Variants in NEK1 observed in about 807,000 individuals in gnomAD.
NEK1 encodes the protein serine/threonine-protein kinase Nek1.
In NEK1, 137 loss-of-function variants were observed where a neutral mutation model predicts 182.1. The ratio of observed to expected loss-of-function variants is 0.75; its 90% confidence interval spans 0.65 to 0.87. The LOEUF (loss-of-function observed/expected upper bound fraction) is 0.87, where lower values mean the gene tolerates loss of function less well. Ranked by LOEUF, NEK1 falls within the 40% of genes least tolerant of loss-of-function variation. NEK1 has a pLI of 0.00. For missense variants in NEK1, 1,391 were observed against 1,494.4 expected (o/e 0.93, Z 1.14); for synonymous variants, 513 against 492.2 (o/e 1.04, Z -0.56).
chr4:169,406,771 CTTA>C (rs1180156423), intron 31 of NEK1, 24 bp from the exon 32 acceptor site: 63 of 1,540,834 alleles, frequency 4.1e-5, no homozygotes, highest in Non-Finnish European at 5.5e-5. Context: ...CAACAAATTT[CTTA>C]TTAGGAGAAA....
At chr4:169,525,659 T>G (rs1756787849) in intron 19 of NEK1, among the ~76,000 whole-genome samples, 1 of 152,112 alleles carries the variant, frequency 6.6e-6, no homozygotes, top group African/African-American at 2.4e-5. Flanking sequence ...ACTACTATGG[T>G]AAGAGTTGAA....
At chr4:169,563,362 A>T (rs547090241) in intron 12 of NEK1, among the ~76,000 whole-genome samples, 46 of 151,406 alleles carry the variant, frequency 3.0e-4, no homozygotes, top group African/African-American at 6.6e-4. Flanking sequence ...GTCTCAAAAA[A>T]AAAAATAAAA....
intron 19 of NEK1, among the ~76,000 whole-genome samples, chr4:169,519,074 T>A (rs1755623781): frequency 2.1e-5 from 1 of 48,268 alleles, no homozygotes; most frequent in Non-Finnish European, 3.3e-5. Context: ...TGACTTTCTG[T>A]CTCGTTGATC....
rs142491511 is a variant in NEK1, at chr4:169,536,715, A to C, written c.1665+1094T>G. Among the ~76,000 whole-genome samples the C allele has an allele frequency of 8.6e-4, 131 of 152,330 alleles. 1 individual carries two copies. Among genetic ancestry groups the C allele is most frequent in the African/African-American group, 3.1e-3 (129 of 41,590 alleles). ...TAAGACATAAGGAATGATGTTGAGA[A>C]AATAAATTAGTAAATTTCAGTAAGC... On this transcript the variant is annotated intron_variant, in intron 19 of 35. Transcript: ENST00000507142.
chr4:169,414,411 T>C (rs909588060), intron 31 of NEK1, among the ~76,000 whole-genome samples: 6 of 152,176 alleles, frequency 3.9e-5, no homozygotes, highest in African/African-American at 1.4e-4. Flanking sequence ...TGTTATCCAA[T>C]AACCCTATAT....
intron 26 of NEK1, among the ~76,000 whole-genome samples, chr4:169,466,524 A>G (rs542678243): frequency 1.5e-4 from 23 of 152,112 alleles, no homozygotes; most frequent in Non-Finnish European, 2.8e-4. Flanking sequence ...AAAGTACTAA[A>G]AGAAAAAAAT....
At position 169,585,451 on chromosome 4, in the gene NEK1, C is replaced by T. The variant is rs374575096; in HGVS notation, c.705G>A (p.Val235=). 8 of 1,613,200 alleles carry T rather than the reference C, an allele frequency of 5.0e-6. No homozygotes were observed. The African/African-American group carries it at 9.3e-5, about 19-fold the overall frequency. ...LHYSYDLRSL[V]SQLFKRNPRD... ...TAGGATTTCTTTTAAATAACTGAGA[C>T]ACCAAACTGCGGAGATCATAGGAAT... is the stretch of plus-strand genomic sequence containing the variant. Residue 235 remains valine, a synonymous_variant, in exon 10 of 36, where the codon GTG becomes GTA. Coordinates refer to ENST00000507142, the MANE Select transcript of NEK1 (RefSeq NM_001199397.3).
chr4:169,400,282 G>C lies in NEK1; in HGVS notation c.3790C>G (p.Gln1264Glu). The C allele has an allele frequency of 6.4e-7, 1 of 1,566,754 alleles. No individual in the cohort carries two copies. The highest frequency in any genetic ancestry group is 8.7e-7 in the Non-Finnish European group (1 of 1,153,434). Residue 1264 changes from glutamine to glutamate, a missense_variant, in exon 35 of 36, where the codon CAG becomes GAG. By Grantham distance (29) the Gln-to-Glu change is conservative (BLOSUM62 2). Transcript: ENST00000507142. Reference protein sequence around the residue: ...IVQNILGNEHQHLYAKILHLV... With the variant: ...IVQNILGNEHEHLYAKILHLV... Reference sequence around the variant, plus strand: ...TGAAGAATCTTGGCATAAAGATGCTGATGTTCATTTCCCAAAATATTTTGA... The same window carrying C: ...TGAAGAATCTTGGCATAAAGATGCTCATGTTCATTTCCCAAAATATTTTGA...
At chr4:169,425,419 C>T (rs1424179218) in intron 30 of NEK1, among the ~76,000 whole-genome samples, 4 of 147,166 alleles carry the variant, frequency 2.7e-5, no homozygotes, top group African/African-American at 1.0e-4. Flanking sequence ...GAGACCCTGT[C>T]TCTCAAGAAA....
intron 26 of NEK1, among the ~76,000 whole-genome samples, chr4:169,476,902 T>A (rs567100541): frequency 5.3e-5 from 8 of 152,194 alleles, no homozygotes; most frequent in African/African-American, 1.7e-4. Flanking sequence ...ACTTTTGTAA[T>A]AAAAATCCTT....
At chr4:169,494,419 A>G (rs1750749600) in intron 23 of NEK1, among the ~76,000 whole-genome samples, 1 of 152,194 alleles carries the variant, frequency 6.6e-6, no homozygotes, top group Non-Finnish European at 1.5e-5. Context: ...CCTACAAAGG[A>G]CATGAACTCG....
chr4:169,537,774 A>G (rs779782395), intron 19 of NEK1, 35 bp downstream of exon 19: 34 of 1,464,238 alleles, frequency 2.3e-5, no homozygotes, highest in Non-Finnish European at 3.1e-5. Context: ...GAATACTAAT[A>G]CATTCAAAAT....
chr4:169,400,464 T>C, intron 34 of NEK1, 57 bp downstream of exon 34: 3 of 1,524,684 alleles, frequency 2.0e-6, no homozygotes, highest in African/African-American at 1.4e-5. Flanking sequence ...ATTATCAACA[T>C]TTCTTCAACC....
chr4:169,587,089 A>G (rs569950169), intron 9 of NEK1, among the ~76,000 whole-genome samples: 12 of 152,050 alleles, frequency 7.9e-5, no homozygotes, highest in African/African-American at 2.6e-4. Context: ...GTTATTTCAA[A>G]AAAAAGTCTC....
chr4:169,551,242 A>G (rs1190344794), intron 18 of NEK1, among the ~76,000 whole-genome samples: 1 of 152,224 alleles, frequency 6.6e-6, no homozygotes, highest in Non-Finnish European at 1.5e-5. Flanking sequence ...CAGGGGCAAT[A>G]AAACAGGCAC....
intron 19 of NEK1, among the ~76,000 whole-genome samples, chr4:169,536,868 A>C (rs1285785173): frequency 6.6e-6 from 1 of 152,228 alleles, no homozygotes; most frequent in Non-Finnish European, 1.5e-5. Context: ...GAAAGATACA[A>C]ATATAGATTA....
At chr4:169,413,741 G>A (rs1344498126) in intron 31 of NEK1, among the ~76,000 whole-genome samples, 1 of 152,174 alleles carries the variant, frequency 6.6e-6, no homozygotes, top group East Asian at 1.9e-4. Flanking sequence ...TAATGGCCAG[G>A]TGCGATGGCT....
At chr4:169,466,571 T>C (rs950611129) in intron 26 of NEK1, among the ~76,000 whole-genome samples, 6 of 152,182 alleles carry the variant, frequency 3.9e-5, no homozygotes, top group African/African-American at 1.2e-4. Flanking sequence ...AAAAATATCT[T>C]TGCAAAAGGA....
At chr4:169,540,495 T>C (rs1442465542) in intron 18 of NEK1, among the ~76,000 whole-genome samples, 1 of 152,104 alleles carries the variant, frequency 6.6e-6, no homozygotes, top group African/African-American at 2.4e-5. Context: ...TACTAAACTA[T>C]GGGTATAAAG....
Sources: allele counts gnomAD v4.1 joint callset (sites outside exome capture counted in the v4.1 genomes callset), GRCh38; gene constraint gnomAD v4.1.1; transcripts MANE v1.5; gene names NCBI Gene and HGNC (gene_info 2026-07-23, HGNC 2026-07-21).